The following CDHR1 variants were observed in gnomAD, a reference collection of about 807,000 sequenced individuals.
CDHR1 encodes the protein cadherin related family member 1, also known as cadherin-related family member 1.
In CDHR1, 61 loss-of-function variants were observed where a neutral mutation model predicts 72.1. The ratio of observed to expected loss-of-function variants is 0.85; its 90% CI spans 0.69 to 1.05. The LOEUF (loss-of-function observed/expected upper bound fraction) is 1.05, where lower values mean the gene tolerates loss of function less well. CDHR1 is among the 50% of genes least tolerant of loss of function. The pLI, the probability that CDHR1 is intolerant of heterozygous loss-of-function variation, is 0.00. For missense variants in CDHR1, 1,186 were observed against 1,115.7 expected, an observed-to-expected ratio of 1.06 and a Z score of -0.90; for synonymous variants, 470 against 448.1, an observed-to-expected ratio of 1.05 and a Z score of -0.62.
rs1440935469 is a variant in CDHR1, at chr10:84,196,480, GTC to G, written c.152-20_152-19del. On this transcript the variant is annotated intron_variant, in intron 2 of 16. Transcript: ENST00000623527. ...GGAAAAGTTGGGTCTCAGATTCTAT[GTC>G]TCTCCACTGTGTTTCCTTCCAGGCT... The G allele has an allele frequency of 4.3e-6, 7 of 1,614,080 alleles. No homozygotes were observed. The South Asian group carries it at 6.6e-5, about 15-fold the overall frequency.
chr10:84,205,815 C>G lies in CDHR1; in HGVS notation c.863-12C>G. The G allele has an allele frequency of 6.3e-7, 1 of 1,591,540 alleles. No homozygotes were observed. Among genetic ancestry groups the G allele is most frequent in the Non-Finnish European group, 8.6e-7 (1 of 1,159,806 alleles). On this transcript the variant is annotated splice_polypyrimidine_tract_variant and intron_variant, in intron 9 of 16. Transcript: ENST00000623527. Reference sequence around the variant, plus strand: ...TCCTGTGCAGAACTTCAGGGTGCATCTCCCTTGACAGGGAACGATGGAGCC... The same window carrying G: ...TCCTGTGCAGAACTTCAGGGTGCATGTCCCTTGACAGGGAACGATGGAGCC...
At position 84,199,020 on chromosome 10, in the gene CDHR1, G is replaced by C; in HGVS notation, c.349-12G>C. The C allele has an allele frequency of 1.9e-6, 3 of 1,550,810 alleles. No individual in the cohort carries two copies. Among genetic ancestry groups the C allele is most frequent in the Non-Finnish European group, 2.6e-6 (3 of 1,146,238 alleles). On this transcript the variant is annotated splice_polypyrimidine_tract_variant and intron_variant, in intron 4 of 16. Transcript: ENST00000623527. ...CATTGCACTGGCTCTTGACCCCTCT[G>C]CCCCTTCTCAGGTGGCCGAAAAAGT... is the stretch of plus-strand genomic sequence containing the variant.
intron 11 of CDHR1, 99 bp downstream of exon 11, chr10:84,208,476 C>A: frequency 7.5e-7 from 1 of 1,325,346 alleles, no homozygotes; most frequent in Non-Finnish European, 1.1e-6. Context: ...GCGTATGTAG[C>A]CGGGACCAGG....
chr10:84,216,664 CTA>C lies in CDHR1; in HGVS notation c.*2044_*2045del, dbSNP rs1226063492. The C allele has an allele frequency of 1.0e-6, 1 of 985,352 alleles. No homozygotes were observed. The highest frequency in any genetic ancestry group is 1.1e-4 in the East Asian group (1 of 8,822). The allele number at this position is 985,352 out of a possible 1,614,324, so 61.0% of individuals were successfully genotyped here. On this transcript the variant is annotated 3_prime_UTR_variant, in exon 17 of 17. Transcript: ENST00000623527. ...CATTCTTCGACCCCCAGATGTGACTCTAAAGAAGGCTGAAAATTTTTGTCCAA... is the reference window on the plus strand; with the variant it reads ...CATTCTTCGACCCCCAGATGTGACTCAAGAAGGCTGAAAATTTTTGTCCAA...
Position 84,213,323 on chromosome 10 carries a change from T to G in CDHR1, c.2015T>G (p.Leu672Arg), listed in dbSNP as rs1371458265. ...CCATCCTTCAGCACCACAGCCTTACTCAAGATTGACATCACAGATGCTGAG... is the reference window on the plus strand; with the variant it reads ...CCATCCTTCAGCACCACAGCCTTACGCAAGATTGACATCACAGATGCTGAG... ...GSPSFSTTAL[L>R]KIDITDAETL... The change falls in exon 16 of 17, where the codon CTC (leucine) becomes CGC (arginine). Residue 672 changes from leucine (L) to arginine (R), a missense_variant. Transcript: ENST00000623527. 6.2e-7 allele frequency: 1 copy of G among 1,614,024 alleles called. No individual in the cohort carries two copies. The highest frequency in any genetic ancestry group is 1.7e-5 in the Admixed American group (1 of 60,010).
In CDHR1 at chr10:84,211,846, G is replaced by A. The variant is rs1023719929; in HGVS notation, c.1553+131G>A. On this transcript the variant is annotated intron_variant, in intron 14 of 16. Coordinates refer to ENST00000623527, the MANE Select transcript of CDHR1 (RefSeq NM_033100.4). ...GCCTGGGTGAAGAGAAGTGGAGAGA[G>A]GCAGTGGAAAGCTGAAGCAGAGGGT... 2.5e-5 allele frequency: 21 copies of A among 853,480 alleles called. No individual in the cohort carries two copies. The East Asian group carries it at 3.9e-4, about 16-fold the overall frequency. 52.9% of individuals were successfully genotyped at this position (853,480 alleles called of 1,614,324 possible). A position where few individuals can be genotyped will look rare whatever the true frequency, so the allele number is the denominator to read the frequency against.
intron 4 of CDHR1, among the ~76,000 whole-genome samples, chr10:84,198,255 G>T (rs926561357): frequency 5.3e-5 from 8 of 152,146 alleles, no homozygotes; most frequent in African/African-American, 1.9e-4. Context: ...CAGGCTCTCC[G>T]ACCCCAACTG....
Position 84,217,680 on chromosome 10 carries a change from G to C in CDHR1, c.*3059G>C, listed in dbSNP as rs1253072399. The C allele has an allele frequency of 1.0e-6, 1 of 985,488 alleles. No individual in the cohort carries two copies. The highest frequency in any genetic ancestry group is 1.2e-6 in the Non-Finnish European group (1 of 829,988). 61.0% of individuals were successfully genotyped at this position (985,488 alleles called of 1,614,324 possible). ...CATACTAGAACACCATGTCCTGAAA[G>C]AGAGGACCCCCTCCATGCATCCTCA... is the stretch of plus-strand genomic sequence containing the variant. On this transcript the variant is annotated 3_prime_UTR_variant, in exon 17 of 17. Coordinates refer to ENST00000623527, the MANE Select transcript of CDHR1 (RefSeq NM_033100.4).
At chr10:84,204,647 A>G (rs764952003) in intron 9 of CDHR1, 42 bp downstream of exon 9, 3 of 1,347,050 alleles carry the variant, frequency 2.2e-6, no homozygotes, top group East Asian at 2.3e-5. Flanking sequence ...TTGACTCTCT[A>G]GGTGACCAGA....
Position 84,209,567 on chromosome 10 carries a change from T to C in CDHR1, c.1320+686T>C, listed in dbSNP as rs186590255. Among the ~76,000 whole-genome samples, 41 of 149,892 alleles carry C rather than the reference T, an allele frequency of 2.7e-4. 1 individual carries two copies. Among genetic ancestry groups the C allele is most frequent in the African/African-American group, 5.4e-4 (22 of 40,892 alleles). Reference sequence around the variant, plus strand: ...GAAAGGAAGTAAGAAGTTCAAACTTTAGAAAGGAGGAAAAAAGACAGTCAT... The same window carrying C: ...GAAAGGAAGTAAGAAGTTCAAACTTCAGAAAGGAGGAAAAAAGACAGTCAT... On this transcript the variant is annotated intron_variant, in intron 12 of 16. Transcript: ENST00000623527.
chr10:84,213,176 A>C lies in CDHR1; in HGVS notation c.1868A>C (p.Asn623Thr). Reference protein sequence around the residue: ...HAEPANVFDINSHTGEIWLKN... With the variant: ...HAEPANVFDITSHTGEIWLKN... ...GAGCCCGCCAACGTGTTCGACATCA[A>C]TTCCCACACGGGGGAGATCTGGCTC... is the stretch of plus-strand genomic sequence containing the variant. The change falls in exon 16 of 17, where the codon AAT (asparagine) becomes ACT (threonine). Residue 623 changes from asparagine to threonine, a missense_variant. Asn to Thr is a moderately conservative substitution (Grantham distance 65, BLOSUM62 0). Transcript: ENST00000623527. The C allele has an allele frequency of 1.2e-6, 2 of 1,614,218 alleles. No individual in the cohort carries two copies. The highest frequency in any genetic ancestry group is 1.7e-6 in the Non-Finnish European group (2 of 1,180,046).
At position 84,199,102 on chromosome 10, in the gene CDHR1, A is replaced by C; in HGVS notation, c.419A>C (p.Tyr140Ser). 6.4e-7 allele frequency: 1 copy of C among 1,551,292 alleles called. No individual in the cohort carries two copies. The highest frequency in any genetic ancestry group is 8.7e-7 in the Non-Finnish European group (1 of 1,146,972). ...GCGCCCAGGTTCATCCAGGAGCCTT[A>C]TGTTGCCCTGGTTCCCGAGGTAAGT... is the stretch of plus-strand genomic sequence containing the variant. ...DEAPRFIQEP[Y>S]VALVPEDIPA... is the part of the protein sequence containing the mutation. Residue 140 changes from tyrosine (Y) to serine (S), a missense_variant, in exon 5 of 17, where the codon TAT becomes TCT. Physicochemically the swap from Tyr to Ser is moderately radical, Grantham distance 144. Transcript: ENST00000623527.
chr10:84,217,686 A>AC lies in CDHR1; in HGVS notation c.*3070dup, dbSNP rs1202810790. 2.4e-5 allele frequency: 24 copies of AC among 985,118 alleles called. No homozygotes were observed. The highest frequency in any genetic ancestry group is 2.8e-5 in the Non-Finnish European group (23 of 829,930). The allele number at this position is 985,118 out of a possible 1,614,324, so 61.0% of individuals were successfully genotyped here. ...AGAACACCATGTCCTGAAAGAGAGG[A>AC]CCCCCTCCATGCATCCTCACCCCCC... On this transcript the variant is annotated 3_prime_UTR_variant, in exon 17 of 17. Transcript: ENST00000623527.
chr10:84,216,108 C>G lies in CDHR1; in HGVS notation c.*1487C>G. 1 of 985,406 alleles carries G rather than the reference C, an allele frequency of 1.0e-6. No homozygotes were observed. Among genetic ancestry groups the G allele is most frequent in the Non-Finnish European group, 1.2e-6 (1 of 829,944 alleles). 61.0% of individuals were successfully genotyped at this position (985,406 alleles called of 1,614,324 possible). ...ATAGGTTGTGCCCTGCTTTAAGGAA[C>G]CTGCTATCAGGAAATCTACATGTGT... On this transcript the variant is annotated 3_prime_UTR_variant, in exon 17 of 17. Transcript: ENST00000623527.
At chr10:84,205,998 AGGCCCTTTTTCCTGG>A (rs1842219802) in intron 10 of CDHR1, 71 bp downstream of exon 10, 1 of 1,188,624 alleles carries the variant, frequency 8.4e-7, no homozygotes, top group Admixed American at 1.8e-5. Flanking sequence ...GAAGACACCC[AGGCCCTTTTTCCTGG>A]GGCCCATAGT....
Position 84,196,566 on chromosome 10 carries a change from C to T in CDHR1, c.213C>T (p.Ile71=). Residue 71 remains isoleucine, a synonymous_variant, in exon 3 of 17, where the codon ATC becomes ATT. Coordinates refer to ENST00000623527, the MANE Select transcript of CDHR1 (RefSeq NM_033100.4). ...DPEGDPISYH[I]SFDPSTRSVF... The stretch of plus-strand genomic sequence containing the variant: ...AGGGAGACCCCATCTCCTACCACAT[C>T]AGCTTTGACCCCAGCACTAGAAGCG... 1 of 1,614,238 alleles carries T rather than the reference C, an allele frequency of 6.2e-7. No individual in the cohort carries two copies. The highest frequency in any genetic ancestry group is 8.5e-7 in the Non-Finnish European group (1 of 1,180,028).
intron 8 of CDHR1, among the ~76,000 whole-genome samples, chr10:84,203,730 C>G (rs960569844): frequency 1.3e-5 from 2 of 152,182 alleles, no homozygotes; most frequent in African/African-American, 2.4e-5. Flanking sequence ...ATTGACTTTA[C>G]AAAGCAAAAT....
In CDHR1 at chr10:84,211,680, A is replaced by G. The variant is rs767547973; in HGVS notation, c.1518A>G (p.Glu506=). 5 of 1,614,036 alleles carry G rather than the reference A, an allele frequency of 3.1e-6. 1 individual carries two copies. The East Asian group carries it at 1.1e-4, about 36-fold the overall frequency. The part of the protein sequence containing the change: ...AVDPDTGPWG[E]VKYSTYGTGA... Reference sequence around the variant, plus strand: ...ATCCAGATACAGGACCCTGGGGCGAAGTGAAATATTCCACCTATGGGACTG... The same window carrying G: ...ATCCAGATACAGGACCCTGGGGCGAGGTGAAATATTCCACCTATGGGACTG... The change falls in exon 14 of 17, where the codon GAA becomes GAG. Residue 506 remains glutamate (E), a synonymous_variant. Transcript: ENST00000623527.
chr10:84,204,172 G>C (rs1842181713), intron 8 of CDHR1, among the ~76,000 whole-genome samples: 1 of 152,208 alleles, frequency 6.6e-6, no homozygotes, highest in Non-Finnish European at 1.5e-5. Context: ...GAAAGCAAAA[G>C]ATGGAGAGGG....
Sources: allele counts gnomAD v4.1 joint callset (sites outside exome capture counted in the v4.1 genomes callset), GRCh38; gene constraint gnomAD v4.1.1; transcripts MANE v1.5; gene names NCBI Gene and HGNC (gene_info 2026-07-23, HGNC 2026-07-21).